Variants in SIPA1L2 observed in about 807,000 individuals in gnomAD.
The protein encoded by SIPA1L2 is signal-induced proliferation-associated 1-like protein 2.
A neutral mutation model predicts 163.9 loss-of-function variants in SIPA1L2; 56 were observed. The observed-to-expected ratio is 0.34, with a 90% CI of 0.28 to 0.43. The LOEUF (loss-of-function observed/expected upper bound fraction) is 0.43. Ranked by LOEUF, SIPA1L2 falls within the 20% of genes least tolerant of loss-of-function variation. The probability of loss-of-function intolerance (pLI) is 1.00; values close to 1 mark genes in which losing one functional copy is unlikely to be tolerated. For synonymous variants in SIPA1L2, 877 were observed against 865.7 expected, an observed-to-expected ratio of 1.01 and a Z score of -0.23; for missense variants, 1,974 against 2,193.5, an observed-to-expected ratio of 0.90 and a Z score of 2.00.
intron 10 of SIPA1L2, among the ~76,000 whole-genome samples, chr1:232,448,474 TATAGTA>T (rs1362842840): frequency 6.6e-6 from 1 of 152,142 alleles, no homozygotes; most frequent in Non-Finnish European, 1.5e-5. Context: ...GTCAGCATGG[TATAGTA>T]AAAGTTTCAG....
intron 1 of SIPA1L2, among the ~76,000 whole-genome samples, chr1:232,605,844 A>G (rs145389418): frequency 6.6e-6 from 1 of 152,346 alleles, no homozygotes; most frequent in Admixed American, 6.5e-5. Flanking sequence ...TTCTCCAACA[A>G]TATGATAGGA....
chr1:232,528,102 A>ATATATATAT (rs34779799), intron 2 of SIPA1L2, among the ~76,000 whole-genome samples: 23 of 118,470 alleles, frequency 1.9e-4, no homozygotes, highest in African/African-American at 3.5e-4. Flanking sequence ...ATATATATAT[A>ATATATATAT]ATCAACTTTC....
At chr1:232,409,971 C>A (rs1660856124) in intron 19 of SIPA1L2, among the ~76,000 whole-genome samples, 1 of 151,614 alleles carries the variant, frequency 6.6e-6, no homozygotes, top group Non-Finnish European at 1.5e-5. Context: ...ATTACTTTAC[C>A]TATTTTATAA....
chr1:232,434,143 G>A (rs12725944), intron 15 of SIPA1L2, among the ~76,000 whole-genome samples: 23,266 of 152,110 alleles, frequency 0.15, 2,173 homozygotes, highest in Non-Finnish European at 0.21. Context: ...CCAGTATGCT[G>A]TAAATATAAT....
At position 232,515,531 on chromosome 1, in the gene SIPA1L2, C is replaced by T. The variant is rs1177971848; in HGVS notation, c.-192G>A. The T allele has an allele frequency of 1.0e-5, 6 of 577,804 alleles. No individual in the cohort carries two copies. Among genetic ancestry groups the T allele is most frequent in the East Asian group, 2.9e-5 (1 of 34,342 alleles). The allele number at this position is 577,804 out of a possible 1,614,324, so 35.8% of individuals were successfully genotyped here. A position where few individuals can be genotyped will look rare whatever the true frequency, so the allele number is the denominator to read the frequency against. ...CAAAGCCAACTTGCTTCTCTGTTGT[C>T]GTAATAATGTTGTACGCCTCTGTTC... On this transcript the variant is annotated 5_prime_UTR_variant, in exon 3 of 23. Coordinates refer to ENST00000674635, the MANE Select transcript of SIPA1L2 (RefSeq NM_020808.5).
intron 10 of SIPA1L2, among the ~76,000 whole-genome samples, chr1:232,447,281 C>A (rs958574920): frequency 2.0e-5 from 3 of 152,140 alleles, no homozygotes; most frequent in African/African-American, 7.2e-5. Context: ...CAGATAAAAT[C>A]TTTCTATTGG....
chr1:232,496,136 C>T (rs147939037), intron 3 of SIPA1L2, among the ~76,000 whole-genome samples: 1 of 152,190 alleles, frequency 6.6e-6, no homozygotes, highest in Non-Finnish European at 1.5e-5. Flanking sequence ...TTTAGTCAGT[C>T]CTGCAAGCTC....
intron 2 of SIPA1L2, among the ~76,000 whole-genome samples, chr1:232,532,746 A>G (rs1657042331): frequency 2.0e-5 from 3 of 152,234 alleles, no homozygotes; most frequent in African/African-American, 7.2e-5. Context: ...CTTAGCTGCT[A>G]TATGACCCAA....
At chr1:232,400,052 C>T (rs538853865) in intron 22 of SIPA1L2, among the ~76,000 whole-genome samples, 9 of 152,298 alleles carry the variant, frequency 5.9e-5, no homozygotes, top group South Asian at 4.1e-4. Context: ...AAGGCTTCCT[C>T]GTTTCCTGAG....
intron 5 of SIPA1L2, among the ~76,000 whole-genome samples, chr1:232,487,919 TACACACACACACACACAC>T (rs5781699): frequency 1.4e-5 from 2 of 144,200 alleles, no homozygotes; most frequent in African/African-American, 5.1e-5. Flanking sequence ...GTAATTAGGT[TACACACACACACACACAC>T]ACACACACAC....
At chr1:232,600,967 C>T (rs1408758559) in intron 1 of SIPA1L2, among the ~76,000 whole-genome samples, 2 of 152,226 alleles carry the variant, frequency 1.3e-5, no homozygotes, top group Non-Finnish European at 1.5e-5. Context: ...TTTCACTCTT[C>T]CCAAAGGTAG....
At chr1:232,475,658 G>A (rs1020897685) in intron 7 of SIPA1L2, among the ~76,000 whole-genome samples, 5 of 152,180 alleles carry the variant, frequency 3.3e-5, no homozygotes, top group Non-Finnish European at 7.4e-5. Context: ...GCAAGAACAG[G>A]ATATTACATT....
At position 232,491,079 on chromosome 1, in the gene SIPA1L2, T is replaced by TA. The variant is rs1438105626; in HGVS notation, c.1618-18dup. The TA allele has an allele frequency of 1.2e-6, 2 of 1,604,066 alleles. No individual in the cohort carries two copies. The highest frequency in any genetic ancestry group is 1.7e-6 in the Non-Finnish European group (2 of 1,174,550). Reference sequence around the variant, plus strand: ...TGTTGTAAGCTGCAGTGACAAAACATAAGACTTCGGTTAATATTGATTCTC... The same window carrying TA: ...TGTTGTAAGCTGCAGTGACAAAACATAAAGACTTCGGTTAATATTGATTCTC... On this transcript the variant is annotated splice_polypyrimidine_tract_variant and intron_variant, in intron 4 of 22. Transcript: ENST00000674635.
At chr1:232,592,854 T>A (rs1324262599) in intron 1 of SIPA1L2, among the ~76,000 whole-genome samples, 3 of 150,602 alleles carry the variant, frequency 2.0e-5, no homozygotes, top group Non-Finnish European at 3.0e-5. Context: ...TCTCCTTAAA[T>A]CCTCTATTTC....
chr1:232,411,037 C>A lies in SIPA1L2; in HGVS notation c.4762+4457G>T, dbSNP rs956418306. Among the ~76,000 whole-genome samples, 3 of 152,176 alleles carry A rather than the reference C, an allele frequency of 2.0e-5. No homozygotes were observed. In the South Asian group the frequency reaches 6.2e-4, roughly 32 times the overall value. ...TTTTCTGGGTAAATAAAGAGCCCCA[C>A]AACTGGGATCAGCCAAGCTGGGCAG... On this transcript the variant is annotated intron_variant, in intron 19 of 22. Transcript: ENST00000674635.
chr1:232,514,520 T>G lies in SIPA1L2; in HGVS notation c.820A>C (p.Arg274=). 1 of 1,614,198 alleles carries G rather than the reference T, an allele frequency of 6.2e-7. No homozygotes were observed. The highest frequency in any genetic ancestry group is 8.5e-7 in the Non-Finnish European group (1 of 1,180,030). Reference sequence around the variant, plus strand: ...AACCTCCGTTTGAAAGGCTTGTCCCTGTCTCTCCCCATCAGGAGGGCACTG... The same window carrying G: ...AACCTCCGTTTGAAAGGCTTGTCCCGGTCTCTCCCCATCAGGAGGGCACTG... ...VDSALLMGRD[R]DKPFKRRLKS... The change falls in exon 3 of 23, where the codon AGG becomes CGG. Residue 274 remains arginine (R), a synonymous_variant. Coordinates refer to ENST00000674635, the MANE Select transcript of SIPA1L2 (RefSeq NM_020808.5).
chr1:232,458,502 T>C (rs1553290601), intron 10 of SIPA1L2, among the ~76,000 whole-genome samples: 2 of 152,226 alleles, frequency 1.3e-5, no homozygotes, highest in Non-Finnish European at 2.9e-5. Context: ...ACAGATCTCT[T>C]GAAAGCTTTA....
rs567075482 is a variant in SIPA1L2, at chr1:232,466,557, G to A, written c.2244-1141C>T. On this transcript the variant is annotated intron_variant, in intron 8 of 22. Coordinates refer to ENST00000674635, the MANE Select transcript of SIPA1L2 (RefSeq NM_020808.5). ...TGTAATCCCAGCACTTTGGGAGGTC[G>A]AAGCGGGTGGATCATGAGGTCAGGA... 4.4e-4 allele frequency among the ~76,000 whole-genome samples: 67 copies of A among 152,268 alleles called. 1 individual carries two copies. In the South Asian group the frequency reaches 0.011, roughly 25 times the overall value.
chr1:232,406,046 A>G (rs1660616183), intron 19 of SIPA1L2, among the ~76,000 whole-genome samples: 1 of 152,226 alleles, frequency 6.6e-6, no homozygotes. Context: ...GGAATTGAAA[A>G]GCTTGGGAGG....
Sources: allele counts gnomAD v4.1 joint callset (sites outside exome capture counted in the v4.1 genomes callset), GRCh38; gene constraint gnomAD v4.1.1; transcripts MANE v1.5; gene names NCBI Gene and HGNC (gene_info 2026-07-23, HGNC 2026-07-21).